EXOC6: variants seen among roughly 807,000 people sequenced by gnomAD.
EXOC6 encodes the protein SEC15-like 1.
EXOC6 carries 60 observed loss-of-function variants against 112.5 expected under a neutral mutation model. The observed-to-expected ratio is 0.53, with a 90% CI of 0.43 to 0.66. The LOEUF (loss-of-function observed/expected upper bound fraction) is 0.66, where lower values mean the gene tolerates loss of function less well. Ranked by LOEUF, EXOC6 falls within the 30% of genes least tolerant of loss-of-function variation. The pLI, the probability that EXOC6 is intolerant of heterozygous loss-of-function variation, is 0.00. For missense variants in EXOC6, 855 were observed against 957.1 expected (o/e 0.89, Z 1.41); for synonymous variants, 295 against 308.0 (o/e 0.96, Z 0.44).
At chr10:92,967,495 A>G (rs191745738) in intron 17 of EXOC6, among the ~76,000 whole-genome samples, 12 of 152,302 alleles carry the variant, frequency 7.9e-5, no homozygotes, top group Admixed American at 1.3e-4. Context: ...ATAAAATTCT[A>G]TAAACTAAAA....
In EXOC6 at chr10:92,859,395, C is replaced by T. The variant is rs576697112; in HGVS notation, c.101+10761C>T. On this transcript the variant is annotated intron_variant, in intron 1 of 21. Coordinates refer to ENST00000260762, the MANE Select transcript of EXOC6 (RefSeq NM_019053.6). The stretch of plus-strand genomic sequence containing the variant: ...TCTCTTTGACTTTCTGTTTTCCTGA[C>T]GTCTCTGTTAAACTTTCTGCCTTCG... Among the ~76,000 whole-genome samples the T allele has an allele frequency of 5.9e-5, 9 of 152,262 alleles. No homozygotes were observed. The South Asian group carries it at 1.0e-3, about 18-fold the overall frequency.
intron 18 of EXOC6, 83 bp from the exon 19 acceptor site, chr10:92,997,391 A>G: frequency 7.7e-7 from 1 of 1,299,378 alleles, no homozygotes; most frequent in Non-Finnish European, 1.0e-6. Context: ...AAAGAATGCC[A>G]GGTGTATGAT....
At chr10:92,897,506 A>G (rs1849889590) in intron 4 of EXOC6, among the ~76,000 whole-genome samples, 1 of 152,216 alleles carries the variant, frequency 6.6e-6, no homozygotes, top group Admixed American at 6.5e-5. Flanking sequence ...CAAGCTGGGA[A>G]CTGTGTCAGG....
intron 20 of EXOC6, among the ~76,000 whole-genome samples, chr10:93,049,458 G>T (rs1416518021): frequency 6.6e-6 from 1 of 152,138 alleles, no homozygotes; most frequent in African/African-American, 2.4e-5. Context: ...ATTATTATTT[G>T]TCAATAAAAA....
Position 92,827,474 on chromosome 10 carries a change from C to CAAAAAAAAAAAAAA in EXOC6, c.-27+549_-27+562dup, listed in dbSNP as rs60863083. Among the ~76,000 whole-genome samples the CAAAAAAAAAAAAAA allele has an allele frequency of 2.7e-4, 9 of 33,208 alleles. 1 individual carries two copies. Among genetic ancestry groups the CAAAAAAAAAAAAAA allele is most frequent in the Admixed American group, 7.0e-4 (1 of 1,422 alleles). 21.8% of individuals were successfully genotyped at this position (33,208 alleles called of 152,430 possible). A position where few individuals can be genotyped will look rare whatever the true frequency, so the allele number is the denominator to read the frequency against. On this transcript the variant is annotated intron_variant, in intron 1 of 22. Transcript: ENST00000671701. ...GGGCGACAGAGTGAGGCCCTGTTGC[C>CAAAAAAAAAAAAAA]AAAAAAAAAAAAAAAAAAAAAAAAA...
At chr10:93,045,141 G>A (rs997841231) in intron 20 of EXOC6, among the ~76,000 whole-genome samples, 2 of 152,162 alleles carry the variant, frequency 1.3e-5, no homozygotes, top group Non-Finnish European at 2.9e-5. Flanking sequence ...TAAAGTGCTG[G>A]GATTACAGGC....
At chr10:93,047,076 G>A (rs1440911853) in intron 20 of EXOC6, among the ~76,000 whole-genome samples, 4 of 152,170 alleles carry the variant, frequency 2.6e-5, no homozygotes, top group Non-Finnish European at 5.9e-5. Context: ...ACAAGGGAAT[G>A]GTGTAATCAA....
intron 1 of EXOC6, among the ~76,000 whole-genome samples, chr10:92,867,937 A>G (rs1848259575): frequency 6.6e-6 from 1 of 152,150 alleles, no homozygotes; most frequent in Non-Finnish European, 1.5e-5. Context: ...GGCACAGATA[A>G]CCCCAAAATA....
chr10:92,913,279 G>C (rs1307971438), intron 6 of EXOC6, among the ~76,000 whole-genome samples: 1 of 152,070 alleles, frequency 6.6e-6, no homozygotes, highest in African/African-American at 2.4e-5. Flanking sequence ...TATCAATTCT[G>C]CTTCTAAATA....
At chr10:92,875,350 G>C (rs1291811711) in intron 1 of EXOC6, among the ~76,000 whole-genome samples, 1 of 151,992 alleles carries the variant, frequency 6.6e-6, no homozygotes, top group South Asian at 2.1e-4. Context: ...TTAGAATACT[G>C]CATTCTACAT....
chr10:92,882,274 T>G (rs893986218), intron 1 of EXOC6, among the ~76,000 whole-genome samples: 2 of 152,188 alleles, frequency 1.3e-5, no homozygotes, highest in African/African-American at 4.8e-5. Context: ...TTGGGCACAG[T>G]GGCTCACGGC....
At chr10:92,957,981 A>G (rs551766361) in intron 17 of EXOC6, among the ~76,000 whole-genome samples, 57 of 152,198 alleles carry the variant, frequency 3.7e-4, no homozygotes, top group Admixed American at 3.7e-3. Flanking sequence ...TTGCTTAATG[A>G]TTCTGGAAAC....
At chr10:93,008,761 ACTTCCCAGGAG>A (rs1844110042) in intron 19 of EXOC6, among the ~76,000 whole-genome samples, 1 of 152,278 alleles carries the variant, frequency 6.6e-6, no homozygotes, top group Middle Eastern at 3.4e-3. Context: ...GTATGTAACT[ACTTCCCAGGAG>A]CTTCTTGTTT....
At position 92,999,089 on chromosome 10, in the gene EXOC6, C is replaced by T. The variant is rs186012080; in HGVS notation, c.2095+1474C>T. ...CTTTTGCCACATTGGTCAGGCTGGT[C>T]GCAAACTCCTGGCCTCAAGTGATCT... On this transcript the variant is annotated intron_variant, in intron 19 of 21. Transcript: ENST00000260762. Among the ~76,000 whole-genome samples, 22 of 152,162 alleles carry T rather than the reference C, an allele frequency of 1.4e-4. No homozygotes were observed. The East Asian group carries it at 3.9e-3, about 27-fold the overall frequency.
intron 20 of EXOC6, among the ~76,000 whole-genome samples, chr10:93,042,843 A>G (rs1046343289): frequency 2.0e-5 from 3 of 152,140 alleles, no homozygotes; most frequent in Admixed American, 6.6e-5. Context: ...AAGTGATACA[A>G]AGGAAGAGCT....
At chr10:93,039,832 A>G (rs1845679335) in intron 20 of EXOC6, among the ~76,000 whole-genome samples, 1 of 152,068 alleles carries the variant, frequency 6.6e-6, no homozygotes, top group Non-Finnish European at 1.5e-5. Context: ...AAATGGCCCT[A>G]CTGCTTCAAC....
intron 7 of EXOC6, among the ~76,000 whole-genome samples, 198 bp from the exon 8 acceptor site, chr10:92,919,784 A>G (rs962183381): frequency 5.9e-5 from 9 of 152,186 alleles, no homozygotes; most frequent in African/African-American, 1.9e-4. Context: ...AACATACTAC[A>G]AAGAATAAAC....
At chr10:92,992,352 A>G (rs1843302900) in intron 18 of EXOC6, among the ~76,000 whole-genome samples, 1 of 151,854 alleles carries the variant, frequency 6.6e-6, no homozygotes, top group African/African-American at 2.4e-5. Context: ...TGAACTCACT[A>G]AGGGAATTCA....
chr10:92,957,485 G>A (rs1589911680), intron 17 of EXOC6, among the ~76,000 whole-genome samples: 2 of 152,224 alleles, frequency 1.3e-5, no homozygotes, highest in African/African-American at 4.8e-5. Flanking sequence ...TGTTAGCTCT[G>A]GTTCATCATT....
Sources: allele counts gnomAD v4.1 joint callset (sites outside exome capture counted in the v4.1 genomes callset), GRCh38; gene constraint gnomAD v4.1.1; transcripts MANE v1.5; gene names NCBI Gene and HGNC (gene_info 2026-07-23, HGNC 2026-07-21).